The following FSTL4 variants were observed in gnomAD, a reference collection of about 807,000 sequenced individuals.
The protein encoded by FSTL4 is follistatin like 4, also known as follistatin-related protein 4.
In FSTL4, 28 loss-of-function variants were observed where a neutral mutation model predicts 78.2. The ratio of observed to expected loss-of-function variants is 0.36; its 90% CI spans 0.27 to 0.49. The LOEUF (loss-of-function observed/expected upper bound fraction) is 0.49, where lower values mean the gene tolerates loss of function less well. Among genes scored for constraint, FSTL4 ranks in the 20% least tolerant of loss-of-function variants. The pLI, the probability that FSTL4 is intolerant of heterozygous loss-of-function variation, is 0.98. For missense variants in FSTL4, 922 were observed against 1,084.9 expected (o/e 0.85, Z 2.11); for synonymous variants, 422 against 440.5 (o/e 0.96, Z 0.53).
the FSTL4 span, among the ~76,000 whole-genome samples, chr5:133,810,634 T>C: frequency 3.3e-5 from 5 of 152,132 alleles, no homozygotes; most frequent in East Asian, 1.9e-4. Flanking sequence ...GTGCACCAGA[T>C]TTTATAGACA....
At chr5:133,631,142 G>T in the FSTL4 span, among the ~76,000 whole-genome samples, 1 of 152,054 alleles carries the variant, frequency 6.6e-6, no homozygotes, top group Non-Finnish European at 1.5e-5. Flanking sequence ...GCCAAAATTG[G>T]CAAATGGGGT....
the FSTL4 span, among the ~76,000 whole-genome samples, chr5:133,731,147 G>C: frequency 1.6e-4 from 25 of 152,094 alleles, no homozygotes; most frequent in Non-Finnish European, 3.5e-4. Context: ...CTTGTTTCTT[G>C]CCTGATATCG....
chr5:133,687,195 C>T, the FSTL4 span, among the ~76,000 whole-genome samples: 1 of 145,584 alleles, frequency 6.9e-6, no homozygotes, highest in Non-Finnish European at 1.5e-5. Context: ...CAGCAGGGAG[C>T]CACTGAGAGG....
intron 3 of FSTL4, among the ~76,000 whole-genome samples, chr5:133,490,386 AG>A (rs1758243373): frequency 6.7e-6 from 1 of 149,244 alleles, no homozygotes; most frequent in South Asian, 2.1e-4. Flanking sequence ...TTTTTTTTCC[AG>A]GGGGCCAGAT....
chr5:133,385,831 G>A (rs1006381984), intron 4 of FSTL4, among the ~76,000 whole-genome samples: 1 of 152,132 alleles, frequency 6.6e-6, no homozygotes, highest in African/African-American at 2.4e-5. Context: ...CTAACAACAC[G>A]GGCACATGTC....
chr5:133,497,558 C>A (rs1167628391), intron 3 of FSTL4, among the ~76,000 whole-genome samples: 1 of 152,160 alleles, frequency 6.6e-6, no homozygotes, highest in Non-Finnish European at 1.5e-5. Context: ...CATCAGGCCT[C>A]TTTCTGGGAC....
chr5:133,801,695 C>G, the FSTL4 span, among the ~76,000 whole-genome samples: 1 of 152,230 alleles, frequency 6.6e-6, no homozygotes, highest in Admixed American at 6.5e-5. Flanking sequence ...TTAGGGGAAC[C>G]CCTTCCTCCC....
chr5:133,353,251 A>G (rs1048158677), intron 4 of FSTL4, among the ~76,000 whole-genome samples: 2 of 152,236 alleles, frequency 1.3e-5, no homozygotes, highest in African/African-American at 4.8e-5. Flanking sequence ...TGTTTATGTA[A>G]TTGGGCCTTA....
chr5:133,614,421 G>A (rs770121540), upstream of FSTL4, among the ~76,000 whole-genome samples: 1 of 152,208 alleles, frequency 6.6e-6, no homozygotes, highest in Non-Finnish European at 1.5e-5. Context: ...ATTCCTTAGA[G>A]AGAATGCTAA....
At chr5:133,725,450 C>T in the FSTL4 span, among the ~76,000 whole-genome samples, 1 of 152,182 alleles carries the variant, frequency 6.6e-6, no homozygotes, top group Non-Finnish European at 1.5e-5. Context: ...CACGAGCCAC[C>T]CACTCCCTTT....
At chr5:133,593,374 T>TA (rs138129945) in intron 2 of FSTL4, among the ~76,000 whole-genome samples, 1 of 152,160 alleles carries the variant, frequency 6.6e-6, no homozygotes, top group East Asian at 1.9e-4. Flanking sequence ...CCCAGAGCAG[T>TA]ACAGGCTCTG....
intron 3 of FSTL4, among the ~76,000 whole-genome samples, chr5:133,417,726 G>A (rs774203571): frequency 1.5e-4 from 23 of 152,084 alleles, no homozygotes; most frequent in Non-Finnish European, 2.5e-4. Flanking sequence ...GGGAGGCTGA[G>A]GCAGGTGGAT....
At chr5:133,609,099 CTAGCCATTAAGGAT>C (rs1317017617) in intron 1 of FSTL4, among the ~76,000 whole-genome samples, 1 of 152,210 alleles carries the variant, frequency 6.6e-6, no homozygotes, top group African/African-American at 2.4e-5. Flanking sequence ...CTTTACCAGA[CTAGCCATTAAGGAT>C]TAGCCATACA....
Position 133,225,307 on chromosome 5 carries a change from G to T in FSTL4, c.1178-23C>A. ...TGGCTGCAGACAGGACAGTGCTCAG[G>T]GTGGACTGCTCAGCTGGAGACCCAC... On this transcript the variant is annotated intron_variant, in intron 9 of 15. Transcript: ENST00000265342. This position sits in a 1 kb window ranked among gnomAD's most constrained non-coding sequence, Gnocchi z 4.6. The T allele has an allele frequency of 6.2e-7, 1 of 1,614,028 alleles. No individual in the cohort carries two copies. Among genetic ancestry groups the T allele is most frequent in the Non-Finnish European group, 8.5e-7 (1 of 1,179,974 alleles).
chr5:133,608,252 C>T (rs1761016415), intron 1 of FSTL4, among the ~76,000 whole-genome samples: 1 of 152,192 alleles, frequency 6.6e-6, no homozygotes, highest in African/African-American at 2.4e-5. Flanking sequence ...GGACTGTCCC[C>T]ATATAAAGAG....
intron 3 of FSTL4, among the ~76,000 whole-genome samples, chr5:133,566,207 C>T (rs1285428567): frequency 6.6e-6 from 1 of 152,074 alleles, no homozygotes. Context: ...CAGCTGGACT[C>T]AATATAGTGT....
At chr5:133,278,374 C>T (rs1581588344) in intron 6 of FSTL4, among the ~76,000 whole-genome samples, 1 of 152,204 alleles carries the variant, frequency 6.6e-6, no homozygotes, top group Admixed American at 6.5e-5. Context: ...GGCTTGTGTT[C>T]CCAAATCCTA....
At chr5:133,735,504 T>C in the FSTL4 span, among the ~76,000 whole-genome samples, 2 of 152,102 alleles carry the variant, frequency 1.3e-5, no homozygotes, top group Non-Finnish European at 2.9e-5. Context: ...TTCCTCACGA[T>C]GGCTTTTTCT....
chr5:133,451,254 T>G (rs1392025513), intron 3 of FSTL4, among the ~76,000 whole-genome samples: 2 of 152,112 alleles, frequency 1.3e-5, no homozygotes, highest in African/African-American at 4.8e-5. Context: ...GCCTGCTGTT[T>G]ACGAAAGGAA....
Sources: allele counts gnomAD v4.1 joint callset (sites outside exome capture counted in the v4.1 genomes callset), GRCh38; gene constraint gnomAD v4.1.1; non-coding constraint Gnocchi (gnomAD v3.1); transcripts MANE v1.5; gene names NCBI Gene and HGNC (gene_info 2026-07-23, HGNC 2026-07-21).